Variants in CACNA1E observed in about 807,000 individuals in gnomAD.
CACNA1E encodes the protein voltage-dependent R-type calcium channel subunit alpha-1E.
CACNA1E carries 40 observed loss-of-function variants against 259.2 expected under a neutral mutation model. That is an observed-to-expected ratio of 0.15 (90% CI 0.12 to 0.20). The LOEUF (loss-of-function observed/expected upper bound fraction) is 0.20. Ranked by LOEUF, CACNA1E falls within the 10% of genes least tolerant of loss-of-function variation. The probability of loss-of-function intolerance (pLI) is 1.00; values close to 1 mark genes in which losing one functional copy is unlikely to be tolerated. For synonymous variants in CACNA1E, 1,104 were observed against 1,138.5 expected, an observed-to-expected ratio of 0.97 and a Z score of 0.61; for missense variants, 1,874 against 3,040.1, an observed-to-expected ratio of 0.62 and a Z score of 9.02.
At chr1:181,440,825 A>T (rs1371569178) in intron 2 of CACNA1E, among the ~76,000 whole-genome samples, 1 of 151,816 alleles carries the variant, frequency 6.6e-6, no homozygotes, top group Non-Finnish European at 1.5e-5. Flanking sequence ...TCCACAAAAA[A>T]TTTAAAAAAA....
intron 6 of CACNA1E, among the ~76,000 whole-genome samples, chr1:181,596,208 A>G (rs1306894889): frequency 6.6e-6 from 1 of 152,098 alleles, no homozygotes; most frequent in Admixed American, 6.5e-5. Context: ...ACAGACAGAG[A>G]TCCCCTTTGC....
At chr1:181,506,775 G>A (rs371120374) in intron 1 of CACNA1E, among the ~76,000 whole-genome samples, 330 of 152,264 alleles carry the variant, frequency 2.2e-3, no homozygotes, top group African/African-American at 7.7e-3. Flanking sequence ...TCTTCAGAAA[G>A]GGAAGTGGAA....
chr1:181,633,390 A>G (rs1656923867), intron 6 of CACNA1E, among the ~76,000 whole-genome samples: 1 of 152,134 alleles, frequency 6.6e-6, no homozygotes, highest in East Asian at 1.9e-4. Flanking sequence ...CGATTCATGC[A>G]ATGTAGAGAT....
At chr1:181,551,795 C>A (rs964161858) in intron 3 of CACNA1E, among the ~76,000 whole-genome samples, 8 of 152,138 alleles carry the variant, frequency 5.3e-5, no homozygotes, top group African/African-American at 1.9e-4. Context: ...CACTACCGGG[C>A]AAGGCACACC....
chr1:181,353,499 T>C (rs1428204836), intron 1 of CACNA1E, among the ~76,000 whole-genome samples: 3 of 152,020 alleles, frequency 2.0e-5, no homozygotes, highest in South Asian at 4.2e-4. Flanking sequence ...TTCCAGATAG[T>C]AGGAAAAAAC....
rs1371717978 is a variant in CACNA1E at position 181,733,533 on chromosome 1, G to A, written c.3045G>A (p.Val1015=). The A allele has an allele frequency of 6.2e-7, 1 of 1,611,580 alleles. No individual in the cohort carries two copies. The highest frequency in any genetic ancestry group is 1.7e-5 in the Admixed American group (1 of 59,754). The change falls in exon 21 of 48, where the codon GTG becomes GTA. Residue 1015 remains valine, a synonymous_variant. Coordinates refer to ENST00000367573, the MANE Select transcript of CACNA1E (RefSeq NM_001205293.3). The part of the protein sequence containing the change: ...PLVLPHPELE[V]GKHVVLTEQE... ...TCCTGCCCCATCCTGAGCTGGAAGTGGGGAAGCACGTGGTGCTGACGGAGC... is the reference window on the plus strand; with the variant it reads ...TCCTGCCCCATCCTGAGCTGGAAGTAGGGAAGCACGTGGTGCTGACGGAGC...
intron 20 of CACNA1E, 125 bp downstream of exon 20, chr1:181,733,159 C>A: frequency 7.4e-7 from 1 of 1,344,694 alleles, no homozygotes; most frequent in Non-Finnish European, 9.8e-7. Context: ...CTGACACACA[C>A]TTTGTGAGGT....
intron 12 of CACNA1E, 69 bp downstream of exon 12, chr1:181,718,236 T>C: frequency 1.3e-6 from 1 of 757,212 alleles, no homozygotes; most frequent in Non-Finnish European, 2.3e-6. Flanking sequence ...ATAAGCAGCT[T>C]GCTCCTTACT....
intron 2 of CACNA1E, among the ~76,000 whole-genome samples, chr1:181,468,318 C>T (rs1343242526): frequency 6.6e-6 from 1 of 152,158 alleles, no homozygotes; most frequent in African/African-American, 2.4e-5. Flanking sequence ...TGCACTTGCA[C>T]CTGTGAAGGG....
intron 25 of CACNA1E, among the ~76,000 whole-genome samples, chr1:181,743,146 G>A (rs901962736): frequency 1.3e-5 from 2 of 152,182 alleles, no homozygotes; most frequent in Admixed American, 1.3e-4. Context: ...TCAGGGCTTC[G>A]TTATTCCGCT....
intron 1 of CACNA1E, among the ~76,000 whole-genome samples, chr1:181,321,975 C>T (rs537314157): frequency 1.6e-4 from 24 of 152,316 alleles, no homozygotes; most frequent in South Asian, 2.1e-4. Flanking sequence ...GGCAGAACCA[C>T]GCCTTTTCTC....
chr1:181,744,059 C>T (rs2102619014), intron 25 of CACNA1E, among the ~76,000 whole-genome samples: 1 of 152,240 alleles, frequency 6.6e-6, no homozygotes, highest in East Asian at 1.9e-4. Context: ...CGCACTTGGC[C>T]TTTCATTATT....
intron 1 of CACNA1E, among the ~76,000 whole-genome samples, chr1:181,373,978 A>G (rs1266101618): frequency 1.3e-5 from 2 of 152,118 alleles, no homozygotes; most frequent in Non-Finnish European, 2.9e-5. Flanking sequence ...TATCATTTGT[A>G]TAGATTTTTG....
intron 3 of CACNA1E, among the ~76,000 whole-genome samples, chr1:181,564,134 TAAG>T (rs551602223): frequency 3.1e-4 from 47 of 152,186 alleles, no homozygotes; most frequent in Non-Finnish European, 6.3e-4. Flanking sequence ...TTTCTTAAAA[TAAG>T]ACAAGAACAA....
chr1:181,355,626 CAAAA>C (rs1205075917), intron 1 of CACNA1E, among the ~76,000 whole-genome samples: 209 of 147,286 alleles, frequency 1.4e-3, no homozygotes, highest in Middle Eastern at 3.4e-3. Context: ...CAAAACAAAA[CAAAA>C]CAAACCAGAC....
At chr1:181,657,780 A>G (rs566007310) in intron 7 of CACNA1E, among the ~76,000 whole-genome samples, 4 of 152,366 alleles carry the variant, frequency 2.6e-5, no homozygotes, top group East Asian at 1.9e-4. Flanking sequence ...AACTGAAGAC[A>G]TCGTAAAGAA....
chr1:181,336,529 G>A (rs564947758), intron 1 of CACNA1E, among the ~76,000 whole-genome samples: 1 of 152,078 alleles, frequency 6.6e-6, no homozygotes, highest in Non-Finnish European at 1.5e-5. Context: ...ATTGTTTATG[G>A]TTTCTTTTTT....
rs181427431 is a variant in CACNA1E, at chr1:181,723,294, G to A, written c.2075-1176G>A. 2.0e-5 allele frequency among the ~76,000 whole-genome samples: 3 copies of A among 152,136 alleles called. No homozygotes were observed. In the East Asian group the frequency reaches 5.8e-4, roughly 30 times the overall value. ...CAATTCCAGCCTCCCAGAATGGGGA[G>A]ATGAGCTCCCATACTGAGCTCCCTA... On this transcript the variant is annotated intron_variant, in intron 16 of 47. Coordinates refer to ENST00000367573, the MANE Select transcript of CACNA1E (RefSeq NM_001205293.3).
In CACNA1E at chr1:181,726,178, C is replaced by A; in HGVS notation, c.2240+16C>A. 2.5e-6 allele frequency: 4 copies of A among 1,582,932 alleles called. No homozygotes were observed. The highest frequency in any genetic ancestry group is 2.3e-5 in the East Asian group (1 of 44,400). ...CTTCGATCGAGTGAGTCAGCTGCCC[C>A]CTTCACTGATCCCTGAGCTCCTGTG... On this transcript the variant is annotated intron_variant, in intron 18 of 47. Transcript: ENST00000367573.
Sources: gnomAD v4.1 joint callset for allele counts (sites outside exome capture counted in the v4.1 genomes callset) on GRCh38, gnomAD v4.1.1 for gene constraint, MANE v1.5 for transcripts, NCBI Gene and HGNC (gene_info 2026-07-23, HGNC 2026-07-21) for gene names.